Variants in RBKS observed in about 807,000 individuals in gnomAD.
The protein encoded by RBKS is ribokinase.
A neutral mutation model predicts 33.9 loss-of-function variants in RBKS; 33 were observed. The ratio of observed to expected loss-of-function variants is 0.97; its 90% confidence interval spans 0.74 to 1.30. RBKS has a LOEUF of 1.30. Among genes scored for constraint, RBKS ranks in the 50% most tolerant of loss-of-function variants. RBKS has a pLI of 0.00. For missense variants in RBKS, 361 were observed against 392.6 expected (o/e 0.92, Z 0.68); for synonymous variants, 125 against 143.0 (o/e 0.87, Z 0.90).
At chr2:27,886,777 GGGTA>G (rs1664537669) in intron 1 of RBKS, among the ~76,000 whole-genome samples, 2 of 152,092 alleles carry the variant, frequency 1.3e-5, no homozygotes, top group African/African-American at 4.8e-5. Context: ...TGGGAGACCT[GGGTA>G]GTAGCCTTTA....
At chr2:27,852,832 C>G (rs1294094993) in intron 2 of RBKS, among the ~76,000 whole-genome samples, 1 of 152,194 alleles carries the variant, frequency 6.6e-6, no homozygotes, top group African/African-American at 2.4e-5. Context: ...ATCCTTGCAA[C>G]TGAAGACATT....
intron 1 of RBKS, 72 bp from the exon 2 acceptor site, chr2:27,858,643 G>T: frequency 7.2e-7 from 1 of 1,392,088 alleles, no homozygotes. Context: ...TTAGAAGAGA[G>T]GGAAGGCTAT....
At chr2:27,816,722 C>T (rs1678103473) in intron 7 of RBKS, among the ~76,000 whole-genome samples, 1 of 152,000 alleles carries the variant, frequency 6.6e-6, no homozygotes, top group Admixed American at 6.6e-5. Flanking sequence ...CTCAGCCTCC[C>T]GAGTAGCTGG....
intron 7 of RBKS, among the ~76,000 whole-genome samples, chr2:27,811,337 T>C (rs948665382): frequency 7.9e-5 from 12 of 152,240 alleles, no homozygotes; most frequent in African/African-American, 2.7e-4. Context: ...GTCCCTGGCA[T>C]ACCAGTGTAT....
chr2:27,885,300 C>T (rs1664506845), intron 1 of RBKS, among the ~76,000 whole-genome samples: 2 of 152,130 alleles, frequency 1.3e-5, no homozygotes, highest in South Asian at 4.1e-4. Flanking sequence ...GAATTTGTGT[C>T]CCTGCTTCTG....
At chr2:27,783,464 C>G (rs1408662955) in intron 7 of RBKS, among the ~76,000 whole-genome samples, 1 of 152,128 alleles carries the variant, frequency 6.6e-6, no homozygotes, top group Non-Finnish European at 1.5e-5. Context: ...TCTGAAGCTC[C>G]AAAGATCCAA....
chr2:27,830,543 C>T (rs895298124), intron 6 of RBKS, among the ~76,000 whole-genome samples: 11 of 152,122 alleles, frequency 7.2e-5, no homozygotes, highest in South Asian at 2.1e-4. Flanking sequence ...GGATTACAGG[C>T]GTTAGCCACC....
At chr2:27,841,729 A>AACACAC (rs35205983) in intron 5 of RBKS, among the ~76,000 whole-genome samples, 3,094 of 142,260 alleles carry the variant, frequency 0.022, 78 homozygotes, top group African/African-American at 0.065. Context: ...CACTTATATA[A>AACACAC]ACACACACAC....
intron 7 of RBKS, among the ~76,000 whole-genome samples, chr2:27,791,689 A>G (rs939472922): frequency 2.0e-5 from 3 of 147,640 alleles, no homozygotes; most frequent in African/African-American, 7.6e-5. Flanking sequence ...ATACATATAC[A>G]TATACATATA....
intron 7 of RBKS, among the ~76,000 whole-genome samples, chr2:27,799,390 C>T (rs1191707408): frequency 1.3e-5 from 2 of 152,154 alleles, no homozygotes; most frequent in African/African-American, 4.8e-5. Flanking sequence ...TGCCGAGGGA[C>T]CCTAACAGTT....
chr2:27,873,361 T>C (rs1362309813), intron 1 of RBKS, among the ~76,000 whole-genome samples: 2 of 152,212 alleles, frequency 1.3e-5, no homozygotes, highest in Non-Finnish European at 2.9e-5. Context: ...CCTCCACAAA[T>C]GTTCACTGAG....
Position 27,827,896 on chromosome 2 carries a change from G to T in RBKS, c.607-141C>A, listed in dbSNP as rs1270345585. 1.1e-5 allele frequency: 7 copies of T among 638,948 alleles called. No homozygotes were observed. In the African/African-American group the frequency reaches 1.3e-4, roughly 12 times the overall value. The allele number at this position is 638,948 out of a possible 1,614,324, so 39.6% of individuals were successfully genotyped here. A position where few individuals can be genotyped will look rare whatever the true frequency, so the allele number is the denominator to read the frequency against. On this transcript the variant is annotated intron_variant, in intron 6 of 7. Coordinates refer to ENST00000302188, the MANE Select transcript of RBKS (RefSeq NM_022128.3). ...GGAACCTTGATAGATACTGGTACAG[G>T]AAAATAAATAAAGCAATAACAGTGA...
rs1399626026 is a variant in RBKS, at chr2:27,843,169, C to A, written c.412G>T (p.Ala138Ser). Residue 138 changes from alanine to serine, a missense_variant, in exon 5 of 8, where the codon GCA becomes TCA. Physicochemically the swap from Ala to Ser is moderately conservative, Grantham distance 99. Coordinates refer to ENST00000302188, the MANE Select transcript of RBKS (RefSeq NM_022128.3). ...GCTCTGCTAATGACATTGGCTGCTG[C>A]CCTCAGATCCTCCGTATTCAAAAGT... ...NLLLNTEDLR[A>S]AANVISRAKV... 11 of 1,612,682 alleles carry A rather than the reference C, an allele frequency of 6.8e-6. No homozygotes were observed. The highest frequency in any genetic ancestry group is 1.7e-5 in the Admixed American group (1 of 59,818).
intron 1 of RBKS, among the ~76,000 whole-genome samples, chr2:27,889,430 G>A (rs1171819378): frequency 6.6e-6 from 1 of 152,126 alleles, no homozygotes; most frequent in African/African-American, 2.4e-5. Context: ...AGACTGAACT[G>A]CAGTAATTGG....
intron 7 of RBKS, among the ~76,000 whole-genome samples, chr2:27,796,674 G>C (rs773341743): frequency 5.9e-4 from 90 of 152,148 alleles, no homozygotes; most frequent in Admixed American, 1.4e-3. Context: ...CCGGTGGGGA[G>C]GGTTGAGGAT....
chr2:27,782,569 C>G (rs1305494337), intron 7 of RBKS: 1 of 455,704 alleles, frequency 2.2e-6, no homozygotes, highest in East Asian at 7.0e-5. Flanking sequence ...GTTTTTCTTA[C>G]AGGCTGTGGT....
chr2:27,809,932 A>G, intron 7 of RBKS: 3 of 1,303,326 alleles, frequency 2.3e-6, no homozygotes, highest in Non-Finnish European at 3.0e-6. Context: ...TCGAGCTGTT[A>G]GGCCACAAAA....
At chr2:27,820,296 T>C (rs891978988) in intron 7 of RBKS, among the ~76,000 whole-genome samples, 3 of 152,170 alleles carry the variant, frequency 2.0e-5, no homozygotes, top group African/African-American at 7.2e-5. Flanking sequence ...TTCCCAGGAA[T>C]AATGATCATA....
chr2:27,874,693 T>C (rs1664278669), intron 1 of RBKS, among the ~76,000 whole-genome samples: 3 of 152,216 alleles, frequency 2.0e-5, no homozygotes. Flanking sequence ...TTCACTCTAC[T>C]TCATAGTTCC....
Sources: gnomAD v4.1 joint callset for allele counts (sites outside exome capture counted in the v4.1 genomes callset) on GRCh38, gnomAD v4.1.1 for gene constraint, MANE v1.5 for transcripts, NCBI Gene and HGNC (gene_info 2026-07-23, HGNC 2026-07-21) for gene names.